The following KAT6A variants were observed in gnomAD, a reference collection of about 807,000 sequenced individuals.
KAT6A encodes lysine acetyltransferase 6A, also known as histone acetyltransferase KAT6A.
A neutral mutation model predicts 198.4 loss-of-function variants in KAT6A; 9 were observed. The observed-to-expected ratio is 0.05, with a 90% CI of 0.03 to 0.08. The LOEUF is 0.08. KAT6A is among the 10% of genes least tolerant of loss of function. The probability of loss-of-function intolerance (pLI) is 1.00; values close to 1 mark genes in which losing one functional copy is unlikely to be tolerated. For synonymous variants in KAT6A, 890 were observed against 883.0 expected, an observed-to-expected ratio of 1.01 and a Z score of -0.14; for missense variants, 2,077 against 2,509.9, an observed-to-expected ratio of 0.83 and a Z score of 3.69.
At chr8:41,947,705 C>G (rs760326197) in intron 11 of KAT6A, 46 bp downstream of exon 11, 1 of 1,492,084 alleles carries the variant, frequency 6.7e-7, no homozygotes, top group Non-Finnish European at 9.1e-7. Flanking sequence ...AAGATTCTTT[C>G]AGATTTCTAT....
intron 2 of KAT6A, among the ~76,000 whole-genome samples, chr8:42,021,103 G>T (rs1826510701): frequency 6.6e-6 from 1 of 151,924 alleles, no homozygotes; most frequent in Admixed American, 6.6e-5. Context: ...AACTGAGGGG[G>T]AATAGGAATA....
At chr8:42,038,901 C>A (rs972686813) in intron 2 of KAT6A, among the ~76,000 whole-genome samples, 1 of 152,080 alleles carries the variant, frequency 6.6e-6, no homozygotes, top group African/African-American at 2.4e-5. Context: ...CTACTATAAT[C>A]TCTATGCTTA....
chr8:41,976,965 G>T, intron 7 of KAT6A, 43 bp downstream of exon 7: 1 of 1,426,236 alleles, frequency 7.0e-7, no homozygotes, highest in Middle Eastern at 1.8e-4. Context: ...AATAATACAT[G>T]TACAGAATAC....
intron 2 of KAT6A, among the ~76,000 whole-genome samples, chr8:42,003,310 T>C (rs762908190): frequency 6.6e-6 from 1 of 152,156 alleles, no homozygotes; most frequent in Non-Finnish European, 1.5e-5. Flanking sequence ...AGACATCTTT[T>C]TGAGAGATCT....
intron 8 of KAT6A, chr8:41,974,409 G>A (rs187820488): frequency 9.1e-6 from 2 of 220,634 alleles, no homozygotes; most frequent in African/African-American, 2.3e-5. Flanking sequence ...TGAGAAGCTT[G>A]TTTTTTGTTT....
At chr8:42,051,458 G>C (rs1229760878) in intron 1 of KAT6A, among the ~76,000 whole-genome samples, 2 of 148,522 alleles carry the variant, frequency 1.3e-5, no homozygotes, top group Non-Finnish European at 3.0e-5. Flanking sequence ...AAGCGGCCCG[G>C]CCCGGCACAG....
At position 41,933,856 on chromosome 8, in the gene KAT6A, G is replaced by A. The variant is rs1166512057; in HGVS notation, c.4364C>T (p.Thr1455Ile). ...GTCAGCCTGGGTGTAACTCTGCAGG[G>A]TCTGACACGCCGCAAGAGTTTCCTC... Reference protein sequence around the residue: ...DCEETLAACQTLQSYTQADED... With the variant: ...DCEETLAACQILQSYTQADED... The change falls in exon 17 of 17, where the codon ACC becomes ATC. Residue 1455 changes from threonine (T) to isoleucine (I), a missense_variant. Around this residue, in one of 13 missense-constraint regions of KAT6A, gnomAD observed 178 missense variants for 220.8 expected, o/e 0.81. Coordinates refer to ENST00000265713, the MANE Select transcript of KAT6A (RefSeq NM_006766.5). This position sits in a 1 kb window ranked among gnomAD's most constrained non-coding sequence, Gnocchi z 6.2. The A allele has an allele frequency of 2.5e-6, 4 of 1,614,130 alleles. No homozygotes were observed. Among genetic ancestry groups the A allele is most frequent in the Non-Finnish European group, 3.4e-6 (4 of 1,180,010 alleles).
rs756675246 is a variant in KAT6A, at chr8:41,933,659, C to T, written c.4561G>A (p.Ala1521Thr). The change falls in exon 17 of 17, where the codon GCA becomes ACA. Residue 1521 changes from alanine to threonine, a missense_variant. Coordinates refer to ENST00000265713, the MANE Select transcript of KAT6A (RefSeq NM_006766.5). This position sits in a 1 kb window ranked among gnomAD's most constrained non-coding sequence, Gnocchi z 6.2. ...QISPEQGSLS[A>T]PSMQNMETSP... is the part of the protein sequence containing the mutation. ...GTCTCCATGTTCTGCATAGAGGGTG[C>T]GGACAGGGATCCTTGTTCTGGGCTG... 1.9e-5 allele frequency: 31 copies of T among 1,614,048 alleles called. No homozygotes were observed. Among genetic ancestry groups the T allele is most frequent in the South Asian group, 4.4e-5 (4 of 91,078 alleles).
intron 2 of KAT6A, among the ~76,000 whole-genome samples, chr8:42,025,109 T>G (rs1472581736): frequency 6.6e-6 from 1 of 152,204 alleles, no homozygotes; most frequent in Non-Finnish European, 1.5e-5. Context: ...CAGCACTTAT[T>G]TTTTGTCTTT....
At chr8:42,036,262 G>A (rs539945810) in intron 2 of KAT6A, among the ~76,000 whole-genome samples, 12 of 151,972 alleles carry the variant, frequency 7.9e-5, no homozygotes, top group Admixed American at 7.9e-4. Flanking sequence ...TCAGATTGGA[G>A]GCCACAAATT....
intron 2 of KAT6A, among the ~76,000 whole-genome samples, chr8:42,015,304 G>T (rs1002439058): frequency 1.3e-5 from 2 of 152,224 alleles, no homozygotes; most frequent in Non-Finnish European, 2.9e-5. Flanking sequence ...GAGCTGGGGG[G>T]AAAGCAGAAC....
At chr8:41,984,565 C>G (rs146916621) in intron 3 of KAT6A, among the ~76,000 whole-genome samples, 10 of 152,256 alleles carry the variant, frequency 6.6e-5, no homozygotes, top group Non-Finnish European at 1.0e-4. Flanking sequence ...AATTCCTGAC[C>G]TACAGAAACA....
At position 41,937,309 on chromosome 8, in the gene KAT6A, G is replaced by A; in HGVS notation, c.3299C>T (p.Ser1100Phe). The A allele has an allele frequency of 6.2e-7, 1 of 1,613,732 alleles. No homozygotes were observed. Reference sequence around the variant, plus strand: ...TTCTTCATCTTTAGACTTCCTCTTAGAAGAGGACTGACACCTGAGTACATC... The same window carrying A: ...TTCTTCATCTTTAGACTTCCTCTTAAAAGAGGACTGACACCTGAGTACATC... The part of the protein sequence containing the change: ...SQDVLRCQSS[S>F]KRKSKDEEED... Residue 1100 changes from serine to phenylalanine, a missense_variant, in exon 16 of 17, where the codon TCT (serine) becomes TTT (phenylalanine). This residue lies in a region of KAT6A where 375 missense variants were observed against 383.0 expected (regional missense o/e 0.98). Transcript: ENST00000265713.
intron 2 of KAT6A, among the ~76,000 whole-genome samples, chr8:42,005,796 A>ACACACACACACACACT (rs71239089): frequency 4.6e-4 from 69 of 148,904 alleles, no homozygotes; most frequent in South Asian, 1.1e-3. Flanking sequence ...ACACACACAC[A>ACACACACACACACACT]CACTCACTCT....
At chr8:42,051,685 A>ACAAGCGAG (rs1167124821) in intron 1 of KAT6A, among the ~76,000 whole-genome samples, 4 of 144,586 alleles carry the variant, frequency 2.8e-5, no homozygotes, top group Admixed American at 6.8e-5. Flanking sequence ...CGGGCGCCGA[A>ACAAGCGAG]CAAGCGAGCA....
At chr8:42,008,757 A>G (rs1214276175) in intron 2 of KAT6A, among the ~76,000 whole-genome samples, 2 of 152,136 alleles carry the variant, frequency 1.3e-5, no homozygotes, top group Non-Finnish European at 2.9e-5. Context: ...ACCACTAGCC[A>G]CATGTGAGCT....
At chr8:42,045,717 A>G (rs1054917410) in intron 2 of KAT6A, among the ~76,000 whole-genome samples, 10 of 151,720 alleles carry the variant, frequency 6.6e-5, no homozygotes, top group African/African-American at 2.4e-4. Flanking sequence ...TCATTCCTAT[A>G]ATCTTGGCAC....
At chr8:41,988,189 A>G (rs1187924095) in intron 2 of KAT6A, among the ~76,000 whole-genome samples, 1 of 152,222 alleles carries the variant, frequency 6.6e-6, no homozygotes, top group Non-Finnish European at 1.5e-5. Flanking sequence ...CCTAAGAGTG[A>G]TGGAGAGAAG....
intron 8 of KAT6A, among the ~76,000 whole-genome samples, chr8:41,972,659 T>C (rs1422074818): frequency 6.6e-6 from 1 of 152,186 alleles, no homozygotes; most frequent in African/African-American, 2.4e-5. Flanking sequence ...GAGGAACTGT[T>C]CCCAATTGGA....
Sources: gnomAD v4.1 joint callset for allele counts (sites outside exome capture counted in the v4.1 genomes callset) on GRCh38, gnomAD v4.1.1 for gene constraint, gnomAD v4.1.1 regional missense constraint, Gnocchi (gnomAD v3.1) non-coding constraint, MANE v1.5 for transcripts, NCBI Gene and HGNC (gene_info 2026-07-23, HGNC 2026-07-21) for gene names.